SUMF1: variants seen among roughly 807,000 people sequenced by gnomAD.
SUMF1 encodes the protein sulfatase modifying factor 1.
Under a neutral mutation model 47.6 loss-of-function variants are expected in SUMF1, and 48 were observed. That is an observed-to-expected ratio of 1.01 (90% CI 0.80 to 1.28). The LOEUF (loss-of-function observed/expected upper bound fraction) is 1.28. Among genes scored for constraint, SUMF1 ranks in the 50% most tolerant of loss-of-function variants. The pLI is 0.00. For missense variants in SUMF1, 571 were observed against 485.4 expected (o/e 1.18, Z -1.66); for synonymous variants, 230 against 192.1 (o/e 1.20, Z -1.63).
intron 8 of SUMF1, among the ~76,000 whole-genome samples, chr3:4,295,942 G>A (rs1414023534): frequency 6.6e-6 from 1 of 152,090 alleles, no homozygotes; most frequent in Non-Finnish European, 1.5e-5. Flanking sequence ...CAAGATGGAA[G>A]TTTTTTTATT....
chr3:4,436,600 TAAA>T (rs11313088), intron 3 of SUMF1, among the ~76,000 whole-genome samples: 4 of 144,304 alleles, frequency 2.8e-5, no homozygotes, highest in African/African-American at 7.6e-5. Flanking sequence ...AGTTGTTAAT[TAAA>T]AAAAAAAAAA....
chr3:4,424,210 T>C (rs1196929739), intron 3 of SUMF1, among the ~76,000 whole-genome samples: 1 of 152,180 alleles, frequency 6.6e-6, no homozygotes, highest in African/African-American at 2.4e-5. Context: ...TACTATAGTT[T>C]TTTTATCTCC....
chr3:4,227,453 A>C (rs1316683215), intron 8 of SUMF1, among the ~76,000 whole-genome samples: 1 of 152,130 alleles, frequency 6.6e-6, no homozygotes, highest in Non-Finnish European at 1.5e-5. Flanking sequence ...ACTGTAGTGG[A>C]GATCCATCGG....
At chr3:4,395,504 C>T (rs1048900394) in intron 7 of SUMF1, among the ~76,000 whole-genome samples, 2 of 152,064 alleles carry the variant, frequency 1.3e-5, no homozygotes, top group Non-Finnish European at 2.9e-5. Flanking sequence ...GAAAAGGTGA[C>T]GCCCAAAGAA....
chr3:4,165,064 C>G (rs1370182309), intron 8 of SUMF1, among the ~76,000 whole-genome samples: 1 of 152,150 alleles, frequency 6.6e-6, no homozygotes, highest in African/African-American at 2.4e-5. Flanking sequence ...GGGATGCATA[C>G]TGGGAACAGC....
At chr3:4,373,283 C>T (rs1484510905) in intron 8 of SUMF1, among the ~76,000 whole-genome samples, 1 of 151,760 alleles carries the variant, frequency 6.6e-6, no homozygotes, top group Non-Finnish European at 1.5e-5. Context: ...TATTAAAAAC[C>T]ACATTAAAAA....
intron 8 of SUMF1, among the ~76,000 whole-genome samples, chr3:4,177,619 A>G (rs1216152119): frequency 6.6e-6 from 1 of 152,174 alleles, no homozygotes; most frequent in East Asian, 1.9e-4. Flanking sequence ...CTAATATCAC[A>G]ATTAAAAGAA....
intron 8 of SUMF1, among the ~76,000 whole-genome samples, chr3:4,294,105 T>C (rs966089183): frequency 3.9e-5 from 6 of 152,238 alleles, no homozygotes; most frequent in African/African-American, 1.4e-4. Flanking sequence ...ATATTAATAC[T>C]GCCTACTTCG....
chr3:4,181,411 G>A (rs535595063), intron 8 of SUMF1, among the ~76,000 whole-genome samples: 6 of 152,250 alleles, frequency 3.9e-5, no homozygotes, highest in Admixed American at 2.6e-4. Context: ...ACATTCTGAA[G>A]CTGAAGAAGC....
chr3:4,165,440 G>A (rs979726899), intron 8 of SUMF1, among the ~76,000 whole-genome samples: 4 of 152,064 alleles, frequency 2.6e-5, no homozygotes, highest in Admixed American at 6.6e-5. Flanking sequence ...GGGTGGGGGA[G>A]ATTAAAGGAG....
intron 8 of SUMF1, among the ~76,000 whole-genome samples, chr3:4,109,074 T>C (rs915105543): frequency 1.3e-5 from 2 of 152,102 alleles, no homozygotes; most frequent in African/African-American, 4.8e-5. Flanking sequence ...AGTTGTTCCT[T>C]TTCATGTTTA....
intron 8 of SUMF1, among the ~76,000 whole-genome samples, chr3:4,307,630 A>G (rs888017065): frequency 2.0e-5 from 3 of 152,334 alleles, no homozygotes; most frequent in South Asian, 2.1e-4. Context: ...GATTTCCAGT[A>G]TATCATTTTG....
chr3:4,244,105 A>T (rs952513450), intron 8 of SUMF1, among the ~76,000 whole-genome samples: 4 of 151,420 alleles, frequency 2.6e-5, no homozygotes, highest in African/African-American at 9.7e-5. Flanking sequence ...TTTCCTTTCC[A>T]TTTGCTTGGT....
At chr3:4,092,574 A>G (rs1190360115) in intron 8 of SUMF1, among the ~76,000 whole-genome samples, 1 of 152,150 alleles carries the variant, frequency 6.6e-6, no homozygotes, top group Non-Finnish European at 1.5e-5. Flanking sequence ...AAATTGGTTA[A>G]CCATGTCATA....
At position 4,107,840 on chromosome 3, in the gene SUMF1, T is replaced by A. The variant is rs931620406; in HGVS notation, c.1015-39095A>T. On this transcript the variant is annotated intron_variant and NMD_transcript_variant, in intron 8 of 12. Coordinates refer to the SUMF1 transcript ENST00000448413. ...GCAAATATAAAGAGCTATACTTTTT[T>A]AAAAATAATGTTTGACCTAGTAATT... Among the ~76,000 whole-genome samples, 57 of 152,248 alleles carry A rather than the reference T, an allele frequency of 3.7e-4. 2 individuals carry two copies. The highest frequency in any genetic ancestry group is 1.3e-3 in the African/African-American group (56 of 41,516).
At chr3:4,088,141 G>A (rs1692710116) in intron 8 of SUMF1, among the ~76,000 whole-genome samples, 1 of 152,046 alleles carries the variant, frequency 6.6e-6, no homozygotes, top group African/African-American at 2.4e-5. Context: ...CTGAACTCAG[G>A]TGAGTGTTCT....
At chr3:4,303,292 G>C (rs1698019874) in intron 8 of SUMF1, 3 of 1,398,644 alleles carry the variant, frequency 2.1e-6, no homozygotes, top group South Asian at 3.1e-5. Context: ...GAGGCGGTGG[G>C]GCCACGGGAC....
intron 8 of SUMF1, among the ~76,000 whole-genome samples, chr3:4,161,036 C>T (rs1477467796): frequency 1.3e-5 from 2 of 152,142 alleles, no homozygotes; most frequent in Non-Finnish European, 2.9e-5. Flanking sequence ...GCAGCTGTAT[C>T]TGCTTCAGGG....
chr3:4,360,810 T>C (rs184585147), downstream of SUMF1, among the ~76,000 whole-genome samples: 257 of 152,350 alleles, frequency 1.7e-3, 1 homozygote, highest in Non-Finnish European at 3.1e-3. Context: ...GGGAACTTGA[T>C]AACAGGGACC....
Sources: allele counts gnomAD v4.1 joint callset (sites outside exome capture counted in the v4.1 genomes callset), GRCh38; gene constraint gnomAD v4.1.1; transcripts MANE v1.5; gene names NCBI Gene and HGNC (gene_info 2026-07-23, HGNC 2026-07-21).